Variants in ZHX2 observed in about 807,000 individuals in gnomAD.
ZHX2 encodes the protein zinc fingers and homeoboxes protein 2.
ZHX2 carries 6 observed loss-of-function variants against 21.9 expected under a neutral mutation model. The ratio of observed to expected loss-of-function variants is 0.27; its 90% CI spans 0.15 to 0.54. The LOEUF (loss-of-function observed/expected upper bound fraction) is 0.54, where lower values mean the gene tolerates loss of function less well. ZHX2 is among the 20% of genes least tolerant of loss of function. The pLI is 0.95. For missense variants in ZHX2, 908 were observed against 1,090.7 expected (o/e 0.83, Z 2.36); for synonymous variants, 434 against 437.1 (o/e 0.99, Z 0.09).
intron 2 of ZHX2, among the ~76,000 whole-genome samples, chr8:122,891,237 T>G (rs1300775977): frequency 6.6e-6 from 1 of 151,688 alleles, no homozygotes; most frequent in Non-Finnish European, 1.5e-5. Context: ...TCTATTCAAG[T>G]TTTCTATTTC....
intron 3 of ZHX2, among the ~76,000 whole-genome samples, chr8:122,959,951 C>T (rs927282866): frequency 1.3e-5 from 2 of 152,120 alleles, no homozygotes. Flanking sequence ...GGATGTAGGT[C>T]CCAGGGAGAT....
At chr8:122,869,968 A>T (rs1449444476) in intron 2 of ZHX2, among the ~76,000 whole-genome samples, 1 of 152,242 alleles carries the variant, frequency 6.6e-6, no homozygotes, top group Non-Finnish European at 1.5e-5. Context: ...CACAGAAGTC[A>T]GTATGTCATT....
In ZHX2 at chr8:122,973,636, C is replaced by T. The variant is rs1036204631; in HGVS notation, c.*399C>T. The T allele has an allele frequency of 2.6e-5, 4 of 152,508 alleles. No homozygotes were observed. The highest frequency in any genetic ancestry group is 5.9e-5 in the Non-Finnish European group (4 of 68,010). The allele number at this position is 152,508 out of a possible 1,614,324, so 9.4% of individuals were successfully genotyped here. On this transcript the variant is annotated 3_prime_UTR_variant, in exon 4 of 4. Coordinates refer to ENST00000314393, the MANE Select transcript of ZHX2 (RefSeq NM_014943.5). The stretch of plus-strand genomic sequence containing the variant: ...TCAGGAGGGAGGGCTAACCACCTTG[C>T]TTTTCTCTTTTCTCTTTTTCTTTTT...
At chr8:122,803,882 CT>C (rs1220421698) in intron 1 of ZHX2, among the ~76,000 whole-genome samples, 1 of 152,132 alleles carries the variant, frequency 6.6e-6, no homozygotes, top group East Asian at 1.9e-4. Flanking sequence ...CCAGGTGAGC[CT>C]GCTGGGCGGC....
intron 1 of ZHX2, among the ~76,000 whole-genome samples, chr8:122,790,877 G>A (rs1302751208): frequency 6.6e-6 from 1 of 152,166 alleles, no homozygotes; most frequent in Non-Finnish European, 1.5e-5. Context: ...CAAAGTGCTG[G>A]GATTACAGGC....
intron 1 of ZHX2, among the ~76,000 whole-genome samples, chr8:122,786,974 C>G (rs916953402): frequency 6.6e-6 from 1 of 150,388 alleles, no homozygotes; most frequent in African/African-American, 2.4e-5. Context: ...CCCCACCCTT[C>G]TCTAATGCCC....
At chr8:122,875,346 A>C (rs1238878514) in intron 2 of ZHX2, among the ~76,000 whole-genome samples, 2 of 151,940 alleles carry the variant, frequency 1.3e-5, no homozygotes, top group Admixed American at 1.3e-4. Context: ...AAAGAAGAAC[A>C]ATATGCAACC....
chr8:122,972,522 G>C (rs1217063201), intron 3 of ZHX2, among the ~76,000 whole-genome samples: 1 of 152,046 alleles, frequency 6.6e-6, no homozygotes, highest in Non-Finnish European at 1.5e-5. Flanking sequence ...TTCCTCAACT[G>C]TAAAATAAGA....
chr8:122,904,244 A>C (rs1820296182), intron 2 of ZHX2, among the ~76,000 whole-genome samples: 1 of 152,148 alleles, frequency 6.6e-6, no homozygotes, highest in Admixed American at 6.5e-5. Flanking sequence ...AAAGCCAAAA[A>C]CTTTTAGACA....
rs376446251 is a variant in ZHX2 at position 122,952,201 on chromosome 8, G to A, written c.691G>A (p.Gly231Arg). 1.5e-5 allele frequency: 24 copies of A among 1,613,070 alleles called. No individual in the cohort carries two copies. The highest frequency in any genetic ancestry group is 5.4e-5 in the African/African-American group (4 of 74,598). The change falls in exon 3 of 4, where the codon GGG (glycine) becomes AGG (arginine). Residue 231 changes from glycine (G) to arginine (R), a missense_variant. Physicochemically the swap from Gly to Arg is moderately radical, Grantham distance 125. Around this residue, in one of 4 missense-constraint regions of ZHX2, gnomAD observed 220 missense variants for 251.4 expected, o/e 0.88. Coordinates refer to ENST00000314393, the MANE Select transcript of ZHX2 (RefSeq NM_014943.5). This position sits in a 1 kb window ranked among gnomAD's most constrained non-coding sequence, Gnocchi z 6.9. The part of the protein sequence containing the change: ...DTAEILSRLG[G>R]VELLQDTLGH... The stretch of plus-strand genomic sequence containing the variant: ...AGCTGAGATCCTCTCGAGACTCGGC[G>A]GGGTGGAGCTCCTCCAAGACACATT...
intron 1 of ZHX2, among the ~76,000 whole-genome samples, chr8:122,850,285 G>C (rs910996245): frequency 2.6e-5 from 4 of 152,042 alleles, no homozygotes; most frequent in Non-Finnish European, 5.9e-5. Flanking sequence ...TAGGACACAC[G>C]TGAGCAGCTA....
intron 1 of ZHX2, among the ~76,000 whole-genome samples, chr8:122,791,012 A>G (rs1817508205): frequency 1.3e-5 from 2 of 152,200 alleles, no homozygotes; most frequent in South Asian, 4.1e-4. Context: ...TGCCACACTG[A>G]TGTTCATCAA....
intron 2 of ZHX2, among the ~76,000 whole-genome samples, chr8:122,944,834 A>G (rs1563597120): frequency 6.6e-6 from 1 of 152,170 alleles, no homozygotes; most frequent in African/African-American, 2.4e-5. Flanking sequence ...CTAACCCCCT[A>G]TGCCTCCGAA....
At chr8:122,876,800 C>G (rs772247592) in intron 2 of ZHX2, among the ~76,000 whole-genome samples, 1 of 152,190 alleles carries the variant, frequency 6.6e-6, no homozygotes, top group Non-Finnish European at 1.5e-5. Flanking sequence ...GAGCCCTTGC[C>G]TGTGTGCACC....
At chr8:122,804,966 C>T (rs1817794890) in intron 1 of ZHX2, among the ~76,000 whole-genome samples, 1 of 152,200 alleles carries the variant, frequency 6.6e-6, no homozygotes, top group African/African-American at 2.4e-5. Context: ...CCAGCCCCAG[C>T]CATCCCCCAG....
chr8:122,952,009 A>G lies in ZHX2; in HGVS notation c.499A>G (p.Thr167Ala). Residue 167 changes from threonine (T) to alanine (A), a missense_variant, in exon 3 of 4, where the codon ACC (threonine) becomes GCC (alanine). Thr to Ala is a moderately conservative substitution (Grantham distance 58). Around this residue, in one of 4 missense-constraint regions of ZHX2, gnomAD observed 220 missense variants for 251.4 expected, o/e 0.88. Transcript: ENST00000314393. The surrounding 1 kb of genome is among the most constrained non-coding windows in gnomAD (Gnocchi z 6.9). ...CACCAACCATGTCGTGTCCATCACC[A>G]CCAGTGGCCCTGGAACTGGTGACAG... ...ETTNHVVSIT[T>A]SGPGTGDSDS... The G allele has an allele frequency of 6.2e-7, 1 of 1,613,578 alleles. No individual in the cohort carries two copies. The highest frequency in any genetic ancestry group is 1.7e-5 in the Admixed American group (1 of 59,964).
intron 3 of ZHX2, among the ~76,000 whole-genome samples, chr8:122,960,818 G>GA (rs1222591230): frequency 6.6e-6 from 1 of 152,140 alleles, no homozygotes; most frequent in Non-Finnish European, 1.5e-5. Context: ...ACCAGTAAAG[G>GA]AGATGACATG....
chr8:122,941,971 T>C (rs1220259508), intron 2 of ZHX2, among the ~76,000 whole-genome samples: 1 of 152,152 alleles, frequency 6.6e-6, no homozygotes, highest in Non-Finnish European at 1.5e-5. Flanking sequence ...AAATTTGGAT[T>C]AAGATAAAAT....
intron 1 of ZHX2, among the ~76,000 whole-genome samples, chr8:122,834,635 G>A (rs1257542029): frequency 3.3e-5 from 5 of 152,216 alleles, no homozygotes; most frequent in Non-Finnish European, 5.9e-5. Flanking sequence ...TCATTGTGGG[G>A]TTTGAGGGCC....
Sources: allele counts gnomAD v4.1 joint callset (sites outside exome capture counted in the v4.1 genomes callset), GRCh38; gene constraint gnomAD v4.1.1; regional missense constraint gnomAD v4.1.1; non-coding constraint Gnocchi (gnomAD v3.1); transcripts MANE v1.5; gene names NCBI Gene and HGNC (gene_info 2026-07-23, HGNC 2026-07-21).